BBX: variants seen among roughly 807,000 people sequenced by gnomAD.
BBX encodes BBX high mobility group box domain containing.
Under a neutral mutation model 100.2 loss-of-function variants are expected in BBX, and 30 were observed. The observed-to-expected ratio is 0.30, with a 90% CI of 0.22 to 0.41. The LOEUF (loss-of-function observed/expected upper bound fraction) is 0.41. Ranked by LOEUF, BBX falls within the 10% of genes least tolerant of loss-of-function variation. The pLI, the probability that BBX is intolerant of heterozygous loss-of-function variation, is 1.00. For missense variants in BBX, 1,023 were observed against 1,129.8 expected (o/e 0.91, Z 1.35); for synonymous variants, 376 against 388.1 (o/e 0.97, Z 0.37).
At chr3:107,756,478 G>A (rs923483306) in intron 10 of BBX, among the ~76,000 whole-genome samples, 1 of 151,982 alleles carries the variant, frequency 6.6e-6, no homozygotes, top group East Asian at 1.9e-4. Flanking sequence ...TTTTCAATGA[G>A]CTCCCTTTGA....
intron 10 of BBX, among the ~76,000 whole-genome samples, chr3:107,770,780 G>A (rs1560128913): frequency 1.3e-5 from 2 of 152,078 alleles, no homozygotes; most frequent in South Asian, 2.1e-4. Context: ...TAATTGCAGT[G>A]TCTGCCTCTC....
At chr3:107,566,738 T>C (rs1023812697) in intron 2 of BBX, among the ~76,000 whole-genome samples, 1 of 152,066 alleles carries the variant, frequency 6.6e-6, no homozygotes, top group Non-Finnish European at 1.5e-5. Flanking sequence ...CTTACTGTTC[T>C]TTTCTAATGC....
intron 2 of BBX, among the ~76,000 whole-genome samples, chr3:107,597,344 T>G (rs2053732536): frequency 6.6e-6 from 1 of 152,172 alleles, no homozygotes; most frequent in African/African-American, 2.4e-5. Context: ...CGGCTCCCAG[T>G]GATTGTTTTT....
chr3:107,668,108 G>T (rs1205303629), intron 3 of BBX, among the ~76,000 whole-genome samples: 2 of 152,094 alleles, frequency 1.3e-5, no homozygotes, highest in Admixed American at 6.5e-5. Flanking sequence ...CTTTAATATT[G>T]ATATTTATTT....
chr3:107,744,679 G>A lies in BBX; in HGVS notation c.719G>A (p.Arg240His), dbSNP rs140692011. The A allele has an allele frequency of 5.5e-5, 88 of 1,613,158 alleles. No homozygotes were observed. Among genetic ancestry groups the A allele is most frequent in the South Asian group, 1.2e-4 (11 of 91,046 alleles). Residue 240 changes from arginine to histidine, a missense_variant, in exon 8 of 18, where the codon CGT becomes CAT. Physicochemically the swap from Arg to His is conservative, Grantham distance 29. Transcript: ENST00000325805. Reference sequence around the variant, plus strand: ...GATGTTTCAGAATCTCCTGAATTACGTCAGAAGTCACCATTGTTTCAGTTT... The same window carrying A: ...GATGTTTCAGAATCTCCTGAATTACATCAGAAGTCACCATTGTTTCAGTTT... The part of the protein sequence containing the change: ...RPDVSESPEL[R>H]QKSPLFQFAE...
At chr3:107,735,589 T>C (rs991149515) in intron 7 of BBX, among the ~76,000 whole-genome samples, 1 of 152,060 alleles carries the variant, frequency 6.6e-6, no homozygotes, top group Non-Finnish European at 1.5e-5. Flanking sequence ...GACTATTTTT[T>C]TAAATATGAA....
intron 3 of BBX, chr3:107,661,886 T>C (rs1429095956): frequency 6.1e-6 from 6 of 985,274 alleles, no homozygotes; most frequent in Middle Eastern, 5.2e-4. Flanking sequence ...CAGCATGTTA[T>C]AGATGTGGAG....
chr3:107,557,004 C>T (rs2050138628), intron 2 of BBX, among the ~76,000 whole-genome samples: 1 of 152,010 alleles, frequency 6.6e-6, no homozygotes, highest in South Asian at 2.1e-4. Context: ...GGTATACCTT[C>T]TTTTGATTTT....
intron 14 of BBX, 135 bp downstream of exon 14, chr3:107,790,011 G>A (rs1377058523): frequency 8.5e-5 from 50 of 586,986 alleles, no homozygotes; most frequent in Middle Eastern, 2.7e-4. Context: ...CTCCTGACGC[G>A]GGTGTTCTCA....
chr3:107,694,980 T>A (rs1337560356), intron 3 of BBX, among the ~76,000 whole-genome samples: 1 of 151,376 alleles, frequency 6.6e-6, no homozygotes, highest in African/African-American at 2.5e-5. Context: ...AGTTTATTTG[T>A]GTAGAGGTGT....
intron 3 of BBX, among the ~76,000 whole-genome samples, chr3:107,693,375 A>G (rs2060327285): frequency 6.6e-6 from 1 of 151,698 alleles, no homozygotes; most frequent in African/African-American, 2.4e-5. Flanking sequence ...TGACTTTTGT[A>G]TAAGGTGTAA....
intron 4 of BBX, among the ~76,000 whole-genome samples, chr3:107,716,072 T>C (rs979201819): frequency 4.6e-5 from 7 of 152,226 alleles, no homozygotes; most frequent in African/African-American, 1.7e-4. Context: ...TATTACCTTT[T>C]TATGTCTTAC....
chr3:107,623,089 C>T (rs1372980456), intron 2 of BBX, among the ~76,000 whole-genome samples: 2 of 152,182 alleles, frequency 1.3e-5, no homozygotes, highest in Non-Finnish European at 2.9e-5. Context: ...GGAATCACTT[C>T]CCTGAGCTCC....
At chr3:107,740,312 G>T (rs2063982912) in intron 7 of BBX, among the ~76,000 whole-genome samples, 1 of 151,762 alleles carries the variant, frequency 6.6e-6, no homozygotes, top group Admixed American at 6.6e-5. Flanking sequence ...TCCTCTTTCA[G>T]TGAAAGCTTT....
At chr3:107,791,520 C>A (rs759985754) in intron 15 of BBX, among the ~76,000 whole-genome samples, 15 of 152,116 alleles carry the variant, frequency 9.9e-5, no homozygotes, top group Non-Finnish European at 1.8e-4. Context: ...TGTTAAAGGG[C>A]GATTTGTAAC....
At chr3:107,748,236 C>T (rs2064788433) in intron 9 of BBX, among the ~76,000 whole-genome samples, 197 bp downstream of exon 9, 1 of 152,130 alleles carries the variant, frequency 6.6e-6, no homozygotes, top group Non-Finnish European at 1.5e-5. Flanking sequence ...CGATTTTACA[C>T]CCATTTTATA....
At position 107,733,041 on chromosome 3, in the gene BBX, C is replaced by T. The variant is rs778458217; in HGVS notation, c.669+18C>T. 35 of 1,607,170 alleles carry T rather than the reference C, an allele frequency of 2.2e-5. No individual in the cohort carries two copies. Among genetic ancestry groups the T allele is most frequent in the Admixed American group, 1.0e-4 (6 of 59,612 alleles). On this transcript the variant is annotated intron_variant, in intron 7 of 17. Transcript: ENST00000325805. ...CACCAGAGGTAAGCCAGTCCTTTTC[C>T]GTCTCCACTCTGCTCATACTGTGGG... is the stretch of plus-strand genomic sequence containing the variant.
At chr3:107,588,127 A>G (rs1248824836) in intron 2 of BBX, among the ~76,000 whole-genome samples, 1 of 152,218 alleles carries the variant, frequency 6.6e-6, no homozygotes, top group Admixed American at 6.5e-5. Context: ...CCTGGTGACT[A>G]GAGCAGTATC....
chr3:107,684,431 G>A (rs1367776420), intron 3 of BBX: 1 of 152,158 alleles, frequency 6.6e-6, no homozygotes, highest in Non-Finnish European at 1.5e-5. Flanking sequence ...CCAAGGAGAT[G>A]CTGAATAACT....
Sources: allele counts gnomAD v4.1 joint callset (sites outside exome capture counted in the v4.1 genomes callset), GRCh38; gene constraint gnomAD v4.1.1; transcripts MANE v1.5; gene names NCBI Gene and HGNC (gene_info 2026-07-23, HGNC 2026-07-21).